DYM: variants seen among roughly 807,000 people sequenced by gnomAD.
The protein encoded by DYM is dymeclin, also known as dyggve-Melchior-Clausen syndrome protein.
In DYM, 78 loss-of-function variants were observed where a neutral mutation model predicts 93.1. That is an observed-to-expected ratio of 0.84 (90% confidence interval 0.70 to 1.01). The LOEUF (loss-of-function observed/expected upper bound fraction) is 1.01, where lower values mean the gene tolerates loss of function less well. DYM is among the 50% of genes least tolerant of loss of function. The pLI is 0.00. For synonymous variants in DYM, 321 were observed against 319.7 expected (o/e 1.00, Z -0.04); for missense variants, 789 against 845.0 (o/e 0.93, Z 0.82).
intron 17 of DYM, among the ~76,000 whole-genome samples, chr18:49,071,701 C>A (rs2076902234): frequency 6.6e-6 from 1 of 152,066 alleles, no homozygotes; most frequent in African/African-American, 2.4e-5. Flanking sequence ...GGTTAGAAGT[C>A]AAATGTGAAG....
intron 6 of DYM, among the ~76,000 whole-genome samples, chr18:49,355,665 A>G (rs1312995568): frequency 6.6e-6 from 1 of 152,162 alleles, no homozygotes; most frequent in East Asian, 1.9e-4. Flanking sequence ...AGAAGGCTAT[A>G]TGTGTGTGGG....
At chr18:49,232,761 A>G (rs1003293226) in intron 13 of DYM, among the ~76,000 whole-genome samples, 3 of 151,300 alleles carry the variant, frequency 2.0e-5, no homozygotes, top group African/African-American at 7.3e-5. Flanking sequence ...GATGCGCGCC[A>G]CCACGCCTGG....
At chr18:49,126,801 A>T (rs889959212) in intron 15 of DYM, among the ~76,000 whole-genome samples, 1 of 152,232 alleles carries the variant, frequency 6.6e-6, no homozygotes, top group Admixed American at 6.5e-5. Flanking sequence ...AAATCATTTT[A>T]GCTTTAGACA....
intron 15 of DYM, among the ~76,000 whole-genome samples, chr18:49,160,486 CAT>C (rs1270311122): frequency 1.3e-5 from 2 of 150,622 alleles, no homozygotes; most frequent in African/African-American, 4.9e-5. Context: ...AGAAGAAAAA[CAT>C]GTCCTTATTT....
intron 10 of DYM, among the ~76,000 whole-genome samples, chr18:49,276,277 T>A (rs1359497023): frequency 6.6e-6 from 1 of 151,940 alleles, no homozygotes; most frequent in African/African-American, 2.4e-5. Context: ...TTTTATTTCA[T>A]AAAAAAGTGA....
In DYM at chr18:49,447,084, A is replaced by T. The variant is rs1410976818; in HGVS notation, c.-54+13314T>A. Among the ~76,000 whole-genome samples the T allele has an allele frequency of 2.0e-5, 3 of 151,642 alleles. No individual in the cohort carries two copies. In the East Asian group the frequency reaches 5.8e-4, roughly 29 times the overall value. ...ACAAAAAAAAAAAAAAAATGTTAAG[A>T]CCTAAAGGACAAGAAGGGTTGGCCT... On this transcript the variant is annotated intron_variant, in intron 1 of 17. Coordinates refer to ENST00000675505, the MANE Select transcript of DYM (RefSeq NM_001353214.3).
intron 5 of DYM, among the ~76,000 whole-genome samples, chr18:49,366,779 G>C (rs1195026823): frequency 6.6e-6 from 1 of 152,178 alleles, no homozygotes; most frequent in Non-Finnish European, 1.5e-5. Context: ...GACAGGCATT[G>C]TGATGAGCAC....
chr18:49,246,127 C>A (rs2094159197), intron 13 of DYM, among the ~76,000 whole-genome samples: 1 of 152,188 alleles, frequency 6.6e-6, no homozygotes, highest in Non-Finnish European at 1.5e-5. Context: ...GCTCGGAAAA[C>A]TCACAATACT....
chr18:49,099,203 A>AT (rs537488082), intron 16 of DYM, among the ~76,000 whole-genome samples: 21 of 151,134 alleles, frequency 1.4e-4, no homozygotes, highest in Admixed American at 3.3e-4. Context: ...GGCTTACTGA[A>AT]TTTTTTTTTT....
intron 17 of DYM, among the ~76,000 whole-genome samples, chr18:49,066,515 T>A (rs75864278): frequency 6.6e-6 from 1 of 152,188 alleles, no homozygotes; most frequent in East Asian, 1.9e-4. Context: ...ATTCTACCAC[T>A]GATGGACACT....
chr18:49,280,548 C>T (rs902304734), intron 10 of DYM, among the ~76,000 whole-genome samples: 1 of 152,120 alleles, frequency 6.6e-6, no homozygotes, highest in Admixed American at 6.5e-5. Context: ...AAGACCTGAA[C>T]AGGCTGAATC....
At chr18:49,290,538 T>TA (rs2060043075) in intron 8 of DYM, among the ~76,000 whole-genome samples, 1 of 151,998 alleles carries the variant, frequency 6.6e-6, no homozygotes, top group South Asian at 2.1e-4. Flanking sequence ...AAAATAAATG[T>TA]AAAAGAATAA....
chr18:49,327,595 G>A (rs936381431), intron 8 of DYM, among the ~76,000 whole-genome samples: 6 of 152,050 alleles, frequency 3.9e-5, no homozygotes, highest in Middle Eastern at 3.4e-3. Flanking sequence ...GAGCTCAAGC[G>A]ATCCACCCAC....
intron 8 of DYM, among the ~76,000 whole-genome samples, chr18:49,326,428 A>G (rs538048356): frequency 2.0e-5 from 3 of 152,042 alleles, no homozygotes; most frequent in South Asian, 4.1e-4. Context: ...CATTCTAACC[A>G]CTTCCAGTGA....
Position 49,283,425 on chromosome 18 carries a change from C to CT in DYM, c.947-1251dup, listed in dbSNP as rs556102198. Among the ~76,000 whole-genome samples, 317 of 144,680 alleles carry CT rather than the reference C, an allele frequency of 2.2e-3. 3 individuals carry two copies. Among genetic ancestry groups the CT allele is most frequent in the African/African-American group, 4.3e-3 (173 of 39,790 alleles). The allele number at this position is 144,680 out of a possible 152,430, so 94.9% of individuals were successfully genotyped here. Reference sequence around the variant, plus strand: ...CTAATTGACTATAACTGTTAAGAAACTTTTTTTTTTTTTAAAGTACAGTCA... The same window carrying CT: ...CTAATTGACTATAACTGTTAAGAAACTTTTTTTTTTTTTTAAAGTACAGTCA... On this transcript the variant is annotated intron_variant, in intron 9 of 17. Transcript: ENST00000675505.
intron 8 of DYM, among the ~76,000 whole-genome samples, chr18:49,292,351 G>GACAC (rs1293664967): frequency 1.4e-3 from 147 of 106,672 alleles, no homozygotes; most frequent in Middle Eastern, 4.1e-3. Flanking sequence ...CAGACAGACA[G>GACAC]ACAGACACAC....
rs746628252 is a variant in DYM at position 49,312,752 on chromosome 18, C to T, written c.763+19112G>A. ...TCAGCATGGCCAAGCAAGACCCAGG[C>T]GGGGCATCACCACCAGGGGTCCCCA... On this transcript the variant is annotated intron_variant, in intron 8 of 17. Coordinates refer to ENST00000675505, the MANE Select transcript of DYM (RefSeq NM_001353214.3). Among the ~76,000 whole-genome samples, 62 of 152,268 alleles carry T rather than the reference C, an allele frequency of 4.1e-4. 1 individual carries two copies. The highest frequency in any genetic ancestry group is 1.2e-3 in the African/African-American group (50 of 41,534).
At chr18:49,388,346 A>T (rs777516140) in intron 3 of DYM, among the ~76,000 whole-genome samples, 15 of 151,158 alleles carry the variant, frequency 9.9e-5, no homozygotes, top group Admixed American at 4.6e-4. Flanking sequence ...AAATAAAAAT[A>T]AAAAAAAGGA....
intron 2 of DYM, among the ~76,000 whole-genome samples, chr18:49,428,592 C>G (rs1387066385): frequency 6.6e-6 from 1 of 152,036 alleles, no homozygotes; most frequent in African/African-American, 2.4e-5. Flanking sequence ...AGGCTGAGGC[C>G]GAAGAATTGC....
Sources: gnomAD v4.1 joint callset for allele counts (sites outside exome capture counted in the v4.1 genomes callset) on GRCh38, gnomAD v4.1.1 for gene constraint, MANE v1.5 for transcripts, NCBI Gene and HGNC (gene_info 2026-07-23, HGNC 2026-07-21) for gene names.